Variants in GALNT18 observed in about 807,000 individuals in gnomAD.
The protein encoded by GALNT18 is polypeptide N-acetylgalactosaminyltransferase 18, also known as GalNAc-transferase 18.
A neutral mutation model predicts 69.5 loss-of-function variants in GALNT18; 44 were observed. That is an observed-to-expected ratio of 0.63 (90% confidence interval 0.50 to 0.81). The LOEUF (loss-of-function observed/expected upper bound fraction) is 0.81, where lower values mean the gene tolerates loss of function less well. GALNT18 is among the 40% of genes least tolerant of loss of function. The pLI is 0.00. For synonymous variants in GALNT18, 364 were observed against 318.2 expected (o/e 1.14, Z -1.53); for missense variants, 715 against 810.0 (o/e 0.88, Z 1.42).
At chr11:11,392,579 A>G (rs1854220223) in intron 3 of GALNT18, among the ~76,000 whole-genome samples, 1 of 152,232 alleles carries the variant, frequency 6.6e-6, no homozygotes, top group Non-Finnish European at 1.5e-5. Flanking sequence ...AGATCGCGCC[A>G]TCACACTCTA....
At chr11:11,366,443 GTAAT>G (rs903985580) in intron 6 of GALNT18, among the ~76,000 whole-genome samples, 2 of 152,124 alleles carry the variant, frequency 1.3e-5, no homozygotes, top group African/African-American at 4.8e-5. Flanking sequence ...ACTGTATGAA[GTAAT>G]TAATTTCTTC....
intron 3 of GALNT18, among the ~76,000 whole-genome samples, chr11:11,386,648 C>T (rs577728295): frequency 1.4e-4 from 21 of 152,160 alleles, no homozygotes; most frequent in Admixed American, 3.3e-4. Flanking sequence ...GTATACTATC[C>T]GTTATTCTAA....
chr11:11,462,290 C>T (rs10831618), intron 1 of GALNT18, among the ~76,000 whole-genome samples: 110,673 of 135,086 alleles, frequency 0.82, 43,173 homozygotes, highest in East Asian at 0.98. Context: ...TTTTTTTTTT[C>T]CTTTGCGATG....
Position 11,603,683 on chromosome 11 carries a change from G to C in GALNT18, c.235+17676C>G, listed in dbSNP as rs1294432018. 6.6e-6 allele frequency among the ~76,000 whole-genome samples: 1 copy of C among 152,090 alleles called. No individual in the cohort carries two copies. Reference sequence around the variant, plus strand: ...ATTTTCTCTCCCTAAAAAGATCTATGGATTTTATTGGATCCAGTGTTATTT... The same window carrying C: ...ATTTTCTCTCCCTAAAAAGATCTATCGATTTTATTGGATCCAGTGTTATTT... On this transcript the variant is annotated intron_variant, in intron 1 of 10. Transcript: ENST00000227756. This position sits in a 1 kb window ranked among gnomAD's most constrained non-coding sequence, Gnocchi z 4.5.
intron 1 of GALNT18, among the ~76,000 whole-genome samples, chr11:11,492,484 C>CTTGGA (rs1347003430): frequency 6.6e-6 from 1 of 152,196 alleles, no homozygotes; most frequent in Non-Finnish European, 1.5e-5. Context: ...ATAGCAAAGA[C>CTTGGA]TTGGAACCAA....
At chr11:11,330,386 G>A (rs1477841922) in intron 8 of GALNT18, among the ~76,000 whole-genome samples, 1 of 152,244 alleles carries the variant, frequency 6.6e-6, no homozygotes, top group African/African-American at 2.4e-5. Flanking sequence ...TATTGTGGCT[G>A]CATCCCACTT....
rs192276423 is a variant in GALNT18 at position 11,511,598 on chromosome 11, T to C, written c.236-62662A>G. On this transcript the variant is annotated intron_variant, in intron 1 of 10. Coordinates refer to ENST00000227756, the MANE Select transcript of GALNT18 (RefSeq NM_198516.3). The surrounding 1 kb of genome is among the most constrained non-coding windows in gnomAD (Gnocchi z 4.9). The stretch of plus-strand genomic sequence containing the variant: ...TACATGTGCACACTGTGTTATGGAA[T>C]GAAAGCTTCTGTTTCCACTAAAATT... 1.2e-3 allele frequency among the ~76,000 whole-genome samples: 183 copies of C among 152,342 alleles called. 1 individual carries two copies. Among genetic ancestry groups the C allele is most frequent in the Non-Finnish European group, 2.3e-3 (157 of 68,034 alleles).
chr11:11,435,737 A>T lies in GALNT18; in HGVS notation c.429-2950T>A, dbSNP rs1013086716. Among the ~76,000 whole-genome samples, 3 of 152,152 alleles carry T rather than the reference A, an allele frequency of 2.0e-5. No homozygotes were observed. The highest frequency in any genetic ancestry group is 4.2e-4 in the South Asian group (2 of 4,800). ...TTTGAGTGTCTGCCGCTGATGTCAG[A>T]CTGCTCCTTTTTCTTACAAACCTCC... On this transcript the variant is annotated intron_variant, in intron 2 of 10. Coordinates refer to ENST00000227756, the MANE Select transcript of GALNT18 (RefSeq NM_198516.3). This position sits in a 1 kb window ranked among gnomAD's most constrained non-coding sequence, Gnocchi z 4.4.
chr11:11,455,562 G>A (rs1855906248), intron 1 of GALNT18, among the ~76,000 whole-genome samples: 1 of 152,154 alleles, frequency 6.6e-6, no homozygotes, highest in Non-Finnish European at 1.5e-5. Flanking sequence ...AGCACTCTGT[G>A]GGGCTCAAAG....
At chr11:11,518,615 C>T (rs1034337637) in intron 1 of GALNT18, among the ~76,000 whole-genome samples, 3 of 152,162 alleles carry the variant, frequency 2.0e-5, no homozygotes, top group African/African-American at 4.8e-5. Context: ...CTTGGTCTTC[C>T]CAAAAGTTAG....
At chr11:11,378,309 G>A (rs1032876995) in intron 4 of GALNT18, among the ~76,000 whole-genome samples, 2 of 152,208 alleles carry the variant, frequency 1.3e-5, no homozygotes, top group Non-Finnish European at 2.9e-5. Context: ...GCAGACCCCA[G>A]TGACAACAGG....
chr11:11,504,906 C>T (rs989965251), intron 1 of GALNT18, among the ~76,000 whole-genome samples: 14 of 152,174 alleles, frequency 9.2e-5, no homozygotes, highest in African/African-American at 3.4e-4. Flanking sequence ...CCTAAGATCC[C>T]TGTCCTTTTT....
At chr11:11,298,191 C>G (rs992444041) in intron 9 of GALNT18, among the ~76,000 whole-genome samples, 1 of 152,228 alleles carries the variant, frequency 6.6e-6, no homozygotes, top group Non-Finnish European at 1.5e-5. Context: ...CCAAAGAAGC[C>G]ACCCCTCACA....
At position 11,387,943 on chromosome 11, in the gene GALNT18, G is replaced by A. The variant is rs1016924465; in HGVS notation, c.596-8679C>T. Among the ~76,000 whole-genome samples the A allele has an allele frequency of 6.6e-6, 1 of 152,180 alleles. No homozygotes were observed. Among genetic ancestry groups the A allele is most frequent in the Non-Finnish European group, 1.5e-5 (1 of 68,038 alleles). ...GGCAGTTTACAAATGCCTTCCCCGA[G>A]GTTCATTCTTATGTCTGCTACACTT... On this transcript the variant is annotated intron_variant, in intron 3 of 10. Coordinates refer to ENST00000227756, the MANE Select transcript of GALNT18 (RefSeq NM_198516.3). The surrounding 1 kb of genome is among the most constrained non-coding windows in gnomAD (Gnocchi z 4.6).
At chr11:11,305,003 A>G (rs1417950429) in intron 9 of GALNT18, among the ~76,000 whole-genome samples, 1 of 152,214 alleles carries the variant, frequency 6.6e-6, no homozygotes, top group Non-Finnish European at 1.5e-5. Flanking sequence ...GATGACTGAT[A>G]AAGAAACCGA....
At chr11:11,446,161 T>C (rs1855646473) in intron 2 of GALNT18, among the ~76,000 whole-genome samples, 1 of 152,226 alleles carries the variant, frequency 6.6e-6, no homozygotes, top group African/African-American at 2.4e-5. Context: ...CTTTCCGCTC[T>C]TCAGTTTCCT....
At chr11:11,331,647 T>G (rs1320049644) in intron 8 of GALNT18, among the ~76,000 whole-genome samples, 2 of 152,194 alleles carry the variant, frequency 1.3e-5, no homozygotes, top group Non-Finnish European at 2.9e-5. Context: ...AAGGGAGGAA[T>G]CAGAGTGACA....
rs1190248751 is a variant in GALNT18, at chr11:11,479,249, A to T, written c.236-30313T>A. On this transcript the variant is annotated intron_variant, in intron 1 of 10. Coordinates refer to ENST00000227756, the MANE Select transcript of GALNT18 (RefSeq NM_198516.3). Reference sequence around the variant, plus strand: ...AACTAGGAAAAATAAAGTTTACATCATGGAAGTCTCCTTAACAGGGAACAA... The same window carrying T: ...AACTAGGAAAAATAAAGTTTACATCTTGGAAGTCTCCTTAACAGGGAACAA... Among the ~76,000 whole-genome samples, 2 of 152,252 alleles carry T rather than the reference A, an allele frequency of 1.3e-5. 1 individual carries two copies. Among genetic ancestry groups the T allele is most frequent in the African/African-American group, 4.8e-5 (2 of 41,468 alleles).
intron 9 of GALNT18, among the ~76,000 whole-genome samples, chr11:11,316,408 G>T (rs1044677976): frequency 6.6e-6 from 1 of 152,200 alleles, no homozygotes; most frequent in African/African-American, 2.4e-5. Context: ...ATATGGGGGT[G>T]CAAGCACGAT....
Sources: allele counts gnomAD v4.1 joint callset (sites outside exome capture counted in the v4.1 genomes callset), GRCh38; gene constraint gnomAD v4.1.1; non-coding constraint Gnocchi (gnomAD v3.1); transcripts MANE v1.5; gene names NCBI Gene and HGNC (gene_info 2026-07-23, HGNC 2026-07-21).